The following HRH1 variants were observed in gnomAD, a reference collection of about 807,000 sequenced individuals.
HRH1 encodes the protein histamine receptor H1.
A neutral mutation model predicts 10.3 loss-of-function variants in HRH1; 6 were observed. That is an observed-to-expected ratio of 0.58 (90% CI 0.32 to 1.15). The LOEUF (loss-of-function observed/expected upper bound fraction) is 1.15. Ranked by LOEUF, HRH1 falls within the 50% of genes most tolerant of loss-of-function variation. The pLI, the probability that HRH1 is intolerant of heterozygous loss-of-function variation, is 0.05. For missense variants in HRH1, 514 were observed against 615.3 expected, an observed-to-expected ratio of 0.84 and a Z score of 1.74; for synonymous variants, 242 against 236.7, an observed-to-expected ratio of 1.02 and a Z score of -0.21.
At chr3:11,206,224 C>T (rs905487995) in intron 1 of HRH1, among the ~76,000 whole-genome samples, 1 of 152,124 alleles carries the variant, frequency 6.6e-6, no homozygotes, top group Non-Finnish European at 1.5e-5. Flanking sequence ...AAGTGATTCT[C>T]CTGCCTCAGC....
chr3:11,206,799 T>G (rs1938145868), intron 1 of HRH1, among the ~76,000 whole-genome samples: 1 of 152,120 alleles, frequency 6.6e-6, no homozygotes, highest in Non-Finnish European at 1.5e-5. Context: ...GCCTGGCACG[T>G]GGAGCAAAGG....
chr3:11,246,005 C>T (rs77635388), intron 1 of HRH1, among the ~76,000 whole-genome samples: 1 of 151,002 alleles, frequency 6.6e-6, no homozygotes, highest in African/African-American at 2.4e-5. Flanking sequence ...CACACTTACA[C>T]ATACACACAT....
Position 11,261,854 on chromosome 3 carries a change from A to C in HRH1, c.*1353A>C, listed in dbSNP as rs199756633. ...TCTGTCTCAAAAAAAAAAATACAATATTTTAACAATGTGCCCTCTTAAGTG... is the reference window on the plus strand; with the variant it reads ...TCTGTCTCAAAAAAAAAAATACAATCTTTTAACAATGTGCCCTCTTAAGTG... On this transcript the variant is annotated 3_prime_UTR_variant, in exon 2 of 2. Transcript: ENST00000431010. 18 of 166,796 alleles carry C rather than the reference A, an allele frequency of 1.1e-4. No homozygotes were observed. The highest frequency in any genetic ancestry group is 3.9e-4 in the African/African-American group (16 of 41,532). 10.3% of individuals were successfully genotyped at this position (166,796 alleles called of 1,614,324 possible).
At chr3:11,237,510 T>A (rs1237895423) in intron 1 of HRH1, among the ~76,000 whole-genome samples, 1 of 152,066 alleles carries the variant, frequency 6.6e-6, no homozygotes. Context: ...TCTTTCCACA[T>A]CATTAAAATG....
At chr3:11,184,917 CAAAA>C (rs11360744) in intron 1 of HRH1, among the ~76,000 whole-genome samples, 2 of 117,282 alleles carry the variant, frequency 1.7e-5, no homozygotes, top group African/African-American at 3.3e-5. Context: ...GACTCCATTT[CAAAA>C]AAAAAAAAAA....
intron 1 of HRH1, among the ~76,000 whole-genome samples, chr3:11,168,537 C>G (rs553780581): frequency 7.2e-5 from 11 of 152,210 alleles, no homozygotes; most frequent in Non-Finnish European, 1.6e-4. Flanking sequence ...GGACATCTCT[C>G]TGATGCGCTC....
At chr3:11,176,822 G>A (rs999108712) in intron 1 of HRH1, among the ~76,000 whole-genome samples, 11 of 152,258 alleles carry the variant, frequency 7.2e-5, no homozygotes, top group Admixed American at 6.5e-4. Context: ...GCTGAGCATA[G>A]TGGCTCACGC....
intron 1 of HRH1, among the ~76,000 whole-genome samples, chr3:11,232,203 G>T (rs1171448395): frequency 6.6e-6 from 1 of 152,068 alleles, no homozygotes; most frequent in Non-Finnish European, 1.5e-5. Flanking sequence ...GGCCAGGATG[G>T]TCTCAATCTC....
chr3:11,154,230 CG>C (rs1936721303), upstream of HRH1, among the ~76,000 whole-genome samples: 1 of 152,148 alleles, frequency 6.6e-6, no homozygotes, highest in African/African-American at 2.4e-5. This position sits in a 1 kb window ranked among gnomAD's most constrained non-coding sequence, Gnocchi z 4.4. Flanking sequence ...TCGCAGAGCC[CG>C]AGCCCGGGTA....
At chr3:11,239,805 C>G (rs1939287082) in intron 1 of HRH1, among the ~76,000 whole-genome samples, 1 of 152,018 alleles carries the variant, frequency 6.6e-6, no homozygotes, top group African/African-American at 2.4e-5. Flanking sequence ...TCCTCTTGCC[C>G]CCAGTGGCAG....
intron 1 of HRH1, among the ~76,000 whole-genome samples, chr3:11,258,592 C>T (rs1279470435): frequency 2.0e-5 from 3 of 152,158 alleles, no homozygotes; most frequent in African/African-American, 4.8e-5. Flanking sequence ...ATGGTCACTC[C>T]TCTATCTGCC....
intron 1 of HRH1, among the ~76,000 whole-genome samples, chr3:11,181,489 C>T (rs893799444): frequency 2.0e-5 from 3 of 150,970 alleles, no homozygotes; most frequent in African/African-American, 2.5e-5. Flanking sequence ...TTTATTTTAA[C>T]GACCCTAGTG....
At chr3:11,194,864 A>G (rs931381394) in intron 1 of HRH1, among the ~76,000 whole-genome samples, 21 of 152,230 alleles carry the variant, frequency 1.4e-4, no homozygotes, top group Admixed American at 1.4e-3. Context: ...TTTAAGCCTC[A>G]TCCTGAGCAT....
At chr3:11,145,317 G>C (rs1936413295) in intron 1 of HRH1, among the ~76,000 whole-genome samples, 1 of 152,108 alleles carries the variant, frequency 6.6e-6, no homozygotes, top group Non-Finnish European at 1.5e-5. Context: ...GGGATGCTGT[G>C]AGTGCCCTTG....
chr3:11,226,444 G>GC (rs1938883364), intron 1 of HRH1: 1 of 152,278 alleles, frequency 6.6e-6, no homozygotes, highest in Non-Finnish European at 1.5e-5. Flanking sequence ...TTGAGGATGA[G>GC]CAGGTGATGC....
rs912404456 is a variant in HRH1 at position 11,263,242 on chromosome 3, G to A, written c.*2741G>A. The A allele has an allele frequency of 6.0e-6, 1 of 167,104 alleles. No individual in the cohort carries two copies. The highest frequency in any genetic ancestry group is 1.5e-5 in the Non-Finnish European group (1 of 68,132). The allele number at this position is 167,104 out of a possible 1,614,324, so 10.4% of individuals were successfully genotyped here. A position where few individuals can be genotyped will look rare whatever the true frequency, so the allele number is the denominator to read the frequency against. On this transcript the variant is annotated 3_prime_UTR_variant, in exon 2 of 2. Coordinates refer to ENST00000431010, the MANE Select transcript of HRH1 (RefSeq NM_001098212.2). Reference sequence around the variant, plus strand: ...AGTGGCTAATGGCTTTAATAAATTGGTCATTTGGCTACTTGGCTTGTGGAC... The same window carrying A: ...AGTGGCTAATGGCTTTAATAAATTGATCATTTGGCTACTTGGCTTGTGGAC...
At chr3:11,209,533 A>G (rs778193057) in intron 1 of HRH1, among the ~76,000 whole-genome samples, 17 of 152,264 alleles carry the variant, frequency 1.1e-4, no homozygotes, top group Admixed American at 1.3e-4. Context: ...GTGTTTGGCT[A>G]GTAGACCTGA....
chr3:11,144,224 T>C (rs1936355392), intron 1 of HRH1, among the ~76,000 whole-genome samples: 1 of 151,712 alleles, frequency 6.6e-6, no homozygotes, highest in Non-Finnish European at 1.5e-5. Flanking sequence ...GAAAATAAAT[T>C]GTTGTATCAA....
chr3:11,148,472 G>A (rs1288098786), intron 1 of HRH1, among the ~76,000 whole-genome samples: 1 of 152,152 alleles, frequency 6.6e-6, no homozygotes, highest in Admixed American at 6.5e-5. Context: ...ACAACCCAGG[G>A]CTAATATAGC....
Sources: allele counts gnomAD v4.1 joint callset (sites outside exome capture counted in the v4.1 genomes callset), GRCh38; gene constraint gnomAD v4.1.1; non-coding constraint Gnocchi (gnomAD v3.1); transcripts MANE v1.5; gene names NCBI Gene and HGNC (gene_info 2026-07-23, HGNC 2026-07-21).